The following RBFOX1 variants were observed in gnomAD, a reference collection of about 807,000 sequenced individuals.
The protein encoded by RBFOX1 is RNA binding fox-1 homolog 1.
In RBFOX1, 8 loss-of-function variants were observed where a neutral mutation model predicts 57.7. The ratio of observed to expected loss-of-function variants is 0.14; its 90% CI spans 0.08 to 0.25. The LOEUF (loss-of-function observed/expected upper bound fraction) is 0.25, where lower values mean the gene tolerates loss of function less well. RBFOX1 is among the 10% of genes least tolerant of loss of function. The pLI is 1.00. For synonymous variants in RBFOX1, 326 were observed against 222.4 expected (o/e 1.47, Z -4.15); for missense variants, 611 against 548.5 (o/e 1.11, Z -1.14).
intron 4 of RBFOX1, among the ~76,000 whole-genome samples, chr16:7,102,368 G>A (rs1446275471): frequency 6.6e-6 from 1 of 152,192 alleles, no homozygotes; most frequent in Non-Finnish European, 1.5e-5. Flanking sequence ...GAGAGCCTTA[G>A]AATTGTCTTT....
At chr16:6,186,531 G>A (rs1436956508) in intron 1 of RBFOX1, among the ~76,000 whole-genome samples, 2 of 152,150 alleles carry the variant, frequency 1.3e-5, no homozygotes, top group Non-Finnish European at 2.9e-5. Context: ...AGAGGGGCGG[G>A]GAGGAGTGTG....
intron 3 of RBFOX1, among the ~76,000 whole-genome samples, chr16:5,672,922 T>C (rs1376877241): frequency 6.6e-6 from 1 of 151,886 alleles, no homozygotes; most frequent in Non-Finnish European, 1.5e-5. Flanking sequence ...TTAATAGTAG[T>C]TCATTCTCCA....
At chr16:6,688,457 G>C (rs903469495) in intron 3 of RBFOX1, among the ~76,000 whole-genome samples, 5 of 152,060 alleles carry the variant, frequency 3.3e-5, no homozygotes, top group African/African-American at 9.7e-5. Flanking sequence ...CTTTTATTTA[G>C]ACCCCTTGGC....
chr16:5,478,753 A>C (rs1437543984), intron 2 of RBFOX1, among the ~76,000 whole-genome samples: 1 of 152,036 alleles, frequency 6.6e-6, no homozygotes, highest in Non-Finnish European at 1.5e-5. Flanking sequence ...CTGGTTTCTC[A>C]TTGGGTTTGG....
chr16:6,601,181 T>A (rs2097848432), intron 2 of RBFOX1, among the ~76,000 whole-genome samples: 2 of 152,160 alleles, frequency 1.3e-5, no homozygotes, highest in African/African-American at 4.8e-5. Flanking sequence ...ATATCCAACT[T>A]AGTACTTGTT....
At chr16:6,719,826 C>T (rs1273617204) in intron 3 of RBFOX1, among the ~76,000 whole-genome samples, 2 of 152,068 alleles carry the variant, frequency 1.3e-5, no homozygotes, top group Non-Finnish European at 2.9e-5. Context: ...GGCATGGCTG[C>T]TCACACCTGT....
intron 1 of RBFOX1, among the ~76,000 whole-genome samples, chr16:5,309,077 T>A (rs1004064021): frequency 9.9e-5 from 15 of 152,164 alleles, no homozygotes; most frequent in Non-Finnish European, 2.1e-4. Context: ...TTAAACACAC[T>A]CCACGAATTT....
intron 6 of RBFOX1, among the ~76,000 whole-genome samples, chr16:7,585,193 C>T (rs1602520885): frequency 1.3e-5 from 2 of 152,288 alleles, no homozygotes; most frequent in Non-Finnish European, 2.9e-5. Context: ...AAAATTACTG[C>T]TTGAGGAGTT....
At chr16:5,545,780 C>A (rs937891294) in intron 2 of RBFOX1, among the ~76,000 whole-genome samples, 1 of 152,096 alleles carries the variant, frequency 6.6e-6, no homozygotes, top group African/African-American at 2.4e-5. Flanking sequence ...AGATCGGGAA[C>A]AAGAATGTCT....
intron 4 of RBFOX1, among the ~76,000 whole-genome samples, chr16:5,986,884 A>T (rs925939346): frequency 1.3e-5 from 2 of 152,168 alleles, no homozygotes; most frequent in African/African-American, 4.8e-5. Flanking sequence ...TTTAGGACAG[A>T]TGCCGAAGCG....
chr16:7,187,690 CAAAAAAAAAAAAAAAAAAAAA>C (rs536529201), intron 4 of RBFOX1, among the ~76,000 whole-genome samples: 3 of 72,568 alleles, frequency 4.1e-5, no homozygotes, highest in Admixed American at 2.3e-4. Flanking sequence ...CTCTGTCTCA[CAAAAAAAAAAAAAAAAAAAAA>C]AAAAAAAAAA....
intron 1 of RBFOX1, among the ~76,000 whole-genome samples, chr16:5,369,180 T>G (rs2065799360): frequency 6.6e-6 from 1 of 152,172 alleles, no homozygotes; most frequent in Admixed American, 6.5e-5. Flanking sequence ...TTTTGTATTT[T>G]TAGTGGAGAC....
chr16:6,156,385 C>T (rs527693825), intron 1 of RBFOX1, among the ~76,000 whole-genome samples: 2 of 152,266 alleles, frequency 1.3e-5, no homozygotes, highest in South Asian at 2.1e-4. Flanking sequence ...TTTGACTGAT[C>T]GTAAAATGCT....
intron 3 of RBFOX1, among the ~76,000 whole-genome samples, chr16:6,921,197 CTG>C (rs2074372758): frequency 6.6e-6 from 1 of 152,148 alleles, no homozygotes; most frequent in Admixed American, 6.5e-5. Flanking sequence ...GTTTTCTATT[CTG>C]TGTTACAAAT....
At chr16:6,565,164 T>A (rs1424511652) in intron 2 of RBFOX1, among the ~76,000 whole-genome samples, 1 of 145,716 alleles carries the variant, frequency 6.9e-6, no homozygotes, top group African/African-American at 2.5e-5. Context: ...ACAGGGAAGG[T>A]AAACTACAGT....
Position 5,816,068 on chromosome 16 carries a change from G to C in RBFOX1, c.319-51235G>C, listed in dbSNP as rs185289651. Among the ~76,000 whole-genome samples the C allele has an allele frequency of 1.4e-4, 22 of 152,322 alleles. No homozygotes were observed. The South Asian group carries it at 4.1e-3, about 29-fold the overall frequency. On this transcript the variant is annotated intron_variant, in intron 3 of 19. Transcript: ENST00000641259. Reference sequence around the variant, plus strand: ...CTGGCTAGGGCTGATAAGGTCATGTGAGCCTCCAGTTCTCCATGGGGGTGC... The same window carrying C: ...CTGGCTAGGGCTGATAAGGTCATGTCAGCCTCCAGTTCTCCATGGGGGTGC...
At chr16:6,660,331 A>T (rs1057170990) in intron 3 of RBFOX1, among the ~76,000 whole-genome samples, 1 of 152,166 alleles carries the variant, frequency 6.6e-6, no homozygotes, top group Non-Finnish European at 1.5e-5. Flanking sequence ...GGTGCAGCCA[A>T]CCACTATGAC....
chr16:5,948,005 C>A (rs910837297), intron 4 of RBFOX1, among the ~76,000 whole-genome samples: 1 of 152,202 alleles, frequency 6.6e-6, no homozygotes, highest in Non-Finnish European at 1.5e-5. Context: ...TATGTTCATA[C>A]ATTTTCATGG....
intron 3 of RBFOX1, among the ~76,000 whole-genome samples, chr16:6,760,516 T>A (rs1451676364): frequency 6.6e-6 from 1 of 152,208 alleles, no homozygotes; most frequent in Non-Finnish European, 1.5e-5. Context: ...CTGAGTGGTA[T>A]GTGAAAAGAT....
Sources: gnomAD v4.1 joint callset for allele counts (sites outside exome capture counted in the v4.1 genomes callset) on GRCh38, gnomAD v4.1.1 for gene constraint, MANE v1.5 for transcripts, NCBI Gene and HGNC (gene_info 2026-07-23, HGNC 2026-07-21) for gene names.